The following XKR6 variants were observed in gnomAD, a reference collection of about 807,000 sequenced individuals.
XKR6 encodes the protein XK-related protein 6.
Under a neutral mutation model 56.7 loss-of-function variants are expected in XKR6, and 22 were observed. The observed-to-expected ratio is 0.39, with a 90% CI of 0.28 to 0.55. XKR6 has a LOEUF of 0.55. Among genes scored for constraint, XKR6 ranks in the 20% least tolerant of loss-of-function variants. XKR6 has a pLI of 0.66. For synonymous variants in XKR6, 524 were observed against 387.8 expected (o/e 1.35, Z -4.13); for missense variants, 852 against 889.0 (o/e 0.96, Z 0.53).
At chr8:11,045,582 C>T (rs1799392644) in intron 1 of XKR6, among the ~76,000 whole-genome samples, 1 of 152,172 alleles carries the variant, frequency 6.6e-6, no homozygotes, top group African/African-American at 2.4e-5. Flanking sequence ...CTACTGACCT[C>T]CTAGAATTAT....
At chr8:11,028,000 T>C (rs530623743) in intron 1 of XKR6, among the ~76,000 whole-genome samples, 1 of 152,298 alleles carries the variant, frequency 6.6e-6, no homozygotes, top group African/African-American at 2.4e-5. Context: ...TCAGGGTTCA[T>C]ACTTGGTGTT....
chr8:10,976,998 C>T (rs1802587546), intron 1 of XKR6, among the ~76,000 whole-genome samples: 2 of 152,102 alleles, frequency 1.3e-5, no homozygotes, highest in African/African-American at 4.8e-5. Flanking sequence ...CACCACAACA[C>T]CGAGGCCAGG....
chr8:10,951,304 G>C (rs148214231), intron 1 of XKR6, among the ~76,000 whole-genome samples: 19 of 147,528 alleles, frequency 1.3e-4, no homozygotes, highest in African/African-American at 5.0e-4. Flanking sequence ...TGTGTGGGGG[G>C]GGGGGGCCCC....
intron 1 of XKR6, among the ~76,000 whole-genome samples, chr8:10,962,537 GA>G (rs1802095740): frequency 6.6e-6 from 1 of 152,158 alleles, no homozygotes; most frequent in Non-Finnish European, 1.5e-5. Flanking sequence ...AACTTGTAAG[GA>G]AGTTCCAACT....
intron 1 of XKR6, among the ~76,000 whole-genome samples, chr8:11,030,022 A>C (rs1798955985): frequency 6.6e-6 from 1 of 152,098 alleles, no homozygotes; most frequent in South Asian, 2.1e-4. Flanking sequence ...ATCACTCCAC[A>C]ACCCGCTATG....
At chr8:11,033,414 GAT>G (rs1289883913) in intron 1 of XKR6, among the ~76,000 whole-genome samples, 23 of 151,798 alleles carry the variant, frequency 1.5e-4, no homozygotes, top group African/African-American at 4.1e-4. Context: ...TGATGGTGAT[GAT>G]GATGATGATG....
chr8:11,001,667 C>A (rs1456113877), intron 1 of XKR6, among the ~76,000 whole-genome samples: 2 of 152,148 alleles, frequency 1.3e-5, no homozygotes, highest in African/African-American at 2.4e-5. Flanking sequence ...GTTGCTGCAC[C>A]GCAAAAGCTC....
At chr8:11,162,935 T>C (rs1801891388) in intron 1 of XKR6, among the ~76,000 whole-genome samples, 2 of 152,248 alleles carry the variant, frequency 1.3e-5, no homozygotes. Flanking sequence ...ACTTACCTTA[T>C]TCTCAGTCTA....
At chr8:11,110,065 C>T (rs868352255) in intron 1 of XKR6, among the ~76,000 whole-genome samples, 2 of 152,136 alleles carry the variant, frequency 1.3e-5, no homozygotes, top group Admixed American at 1.3e-4. Context: ...CTCCACCTCC[C>T]GGGTTCAAGC....
intron 2 of XKR6, among the ~76,000 whole-genome samples, chr8:10,920,239 G>A (rs147559904): frequency 2.2e-3 from 338 of 152,176 alleles, no homozygotes; most frequent in Admixed American, 4.4e-3. Flanking sequence ...GCCTGAAGGC[G>A]AATTCAGAAG....
At chr8:10,952,478 G>C (rs556403615) in intron 1 of XKR6, among the ~76,000 whole-genome samples, 74 of 152,286 alleles carry the variant, frequency 4.9e-4, no homozygotes, top group African/African-American at 1.6e-3. Flanking sequence ...GTTTGAGACA[G>C]GGTCTCATTC....
chr8:11,107,985 A>G (rs1798745256), intron 1 of XKR6: 2 of 320,732 alleles, frequency 6.2e-6, no homozygotes, highest in South Asian at 2.6e-5. Context: ...CGGTCCCAAT[A>G]TTAGAGTTTC....
chr8:10,944,666 A>C (rs1563303084), intron 1 of XKR6, among the ~76,000 whole-genome samples: 2 of 152,072 alleles, frequency 1.3e-5, no homozygotes, highest in African/African-American at 4.8e-5. Flanking sequence ...AGACTCTAGA[A>C]CCTTCCACAG....
chr8:11,079,661 G>A (rs1224245855), intron 1 of XKR6, among the ~76,000 whole-genome samples: 2 of 152,202 alleles, frequency 1.3e-5, no homozygotes, highest in Admixed American at 6.5e-5. Flanking sequence ...TAACGTTGTT[G>A]TGATAAACCA....
Position 11,037,061 on chromosome 8 carries a change from C to T in XKR6, c.765-112231G>A, listed in dbSNP as rs531806282. On this transcript the variant is annotated intron_variant, in intron 1 of 2. Coordinates refer to ENST00000416569, the MANE Select transcript of XKR6 (RefSeq NM_173683.4). The stretch of plus-strand genomic sequence containing the variant: ...ATTATGATCCTACTTATACTTATGA[C>T]GAGGCGTGGATATCATTTAGTGATG... Among the ~76,000 whole-genome samples the T allele has an allele frequency of 8.2e-4, 125 of 152,236 alleles. 1 individual carries two copies. The highest frequency in any genetic ancestry group is 9.0e-4 in the Non-Finnish European group (61 of 68,006).
intron 1 of XKR6, among the ~76,000 whole-genome samples, chr8:10,972,151 G>A (rs1203924199): frequency 3.9e-5 from 6 of 152,072 alleles, no homozygotes; most frequent in African/African-American, 1.2e-4. Flanking sequence ...GGGTTCATCC[G>A]GGCCCAGCTG....
At chr8:11,161,709 TAGTC>T (rs1398617813) in intron 1 of XKR6, among the ~76,000 whole-genome samples, 3 of 152,252 alleles carry the variant, frequency 2.0e-5, no homozygotes, top group African/African-American at 7.2e-5. Context: ...TCTTACTGAT[TAGTC>T]AGTCAATCAC....
At chr8:11,172,573 C>G (rs1265996998) in intron 1 of XKR6, among the ~76,000 whole-genome samples, 2 of 152,124 alleles carry the variant, frequency 1.3e-5, no homozygotes, top group African/African-American at 2.4e-5. Context: ...GCATTGACCT[C>G]CCTGTTCTGA....
intron 1 of XKR6, among the ~76,000 whole-genome samples, chr8:11,038,121 C>T (rs1009458900): frequency 2.0e-5 from 3 of 151,928 alleles, no homozygotes; most frequent in Admixed American, 1.3e-4. Context: ...TCTGTGTCAT[C>T]GAAAGGGGCC....
Sources: allele counts gnomAD v4.1 joint callset (sites outside exome capture counted in the v4.1 genomes callset), GRCh38; gene constraint gnomAD v4.1.1; transcripts MANE v1.5; gene names NCBI Gene and HGNC (gene_info 2026-07-23, HGNC 2026-07-21).